KANSL1: variants seen among roughly 807,000 people sequenced by gnomAD.
KANSL1 encodes KAT8 regulatory NSL complex subunit 1.
Under a neutral mutation model 103.6 loss-of-function variants are expected in KANSL1, and 22 were observed. The ratio of observed to expected loss-of-function variants is 0.21; its 90% CI spans 0.15 to 0.30. The LOEUF (loss-of-function observed/expected upper bound fraction) is 0.30, where lower values mean the gene tolerates loss of function less well. Ranked by LOEUF, KANSL1 falls within the 10% of genes least tolerant of loss-of-function variation. The pLI, the probability that KANSL1 is intolerant of heterozygous loss-of-function variation, is 1.00. For missense variants in KANSL1, 1,337 were observed against 1,399.8 expected (o/e 0.96, Z 0.72); for synonymous variants, 600 against 527.6 (o/e 1.14, Z -1.88).
intron 2 of KANSL1, among the ~76,000 whole-genome samples, chr17:46,103,495 AT>A (rs553011398): frequency 6.6e-6 from 1 of 152,246 alleles, no homozygotes; most frequent in Non-Finnish European, 1.5e-5. Context: ...TTAATGTTAA[AT>A]ATCCAGTTAC....
At chr17:46,180,227 G>A (rs1198596929) in intron 1 of KANSL1, among the ~76,000 whole-genome samples, 1 of 152,086 alleles carries the variant, frequency 6.6e-6, no homozygotes, top group Non-Finnish European at 1.5e-5. Flanking sequence ...CAGGCACAGT[G>A]GCTCACGCCT....
At chr17:46,151,225 T>C (rs908609131) in intron 2 of KANSL1, among the ~76,000 whole-genome samples, 8 of 152,250 alleles carry the variant, frequency 5.3e-5, no homozygotes, top group African/African-American at 1.7e-4. Flanking sequence ...GATCTCACCT[T>C]CTACCACTCA....
At chr17:46,120,511 G>C (rs2043232185) in intron 2 of KANSL1, among the ~76,000 whole-genome samples, 1 of 152,132 alleles carries the variant, frequency 6.6e-6, no homozygotes, top group Non-Finnish European at 1.5e-5. Flanking sequence ...GAAACAAGTG[G>C]GAGCGAGGGG....
At chr17:46,154,876 G>A (rs2147534285) in intron 2 of KANSL1, among the ~76,000 whole-genome samples, 1 of 152,142 alleles carries the variant, frequency 6.6e-6, no homozygotes, top group East Asian at 1.9e-4. Context: ...ATGGAGATGG[G>A]GTCTTGCTAT....
In KANSL1 at chr17:46,031,443, G is replaced by A; in HGVS notation, c.*33C>T. ...GATTTCTGAAGCTTTAATGCCAATA[G>A]TTAGTGAGTCTGTTTAGATGGCTGT... On this transcript the variant is annotated 3_prime_UTR_variant, in exon 15 of 15. Transcript: ENST00000432791. 6.5e-7 allele frequency: 1 copy of A among 1,540,036 alleles called. No individual in the cohort carries two copies.
chr17:46,160,044 T>C (rs911202860), intron 2 of KANSL1, among the ~76,000 whole-genome samples: 6 of 152,154 alleles, frequency 3.9e-5, no homozygotes, highest in Non-Finnish European at 7.3e-5. Context: ...GTTCCAGGAG[T>C]TATCTTCTAT....
At chr17:46,082,581 G>A (rs1475275028) in intron 3 of KANSL1, 39 bp from the exon 4 acceptor site, 2 of 1,184,758 alleles carry the variant, frequency 1.7e-6, no homozygotes. Context: ...TAAGTGAGCA[G>A]TATAAACTTC....
chr17:46,096,325 T>C (rs1243599567), intron 2 of KANSL1, among the ~76,000 whole-genome samples: 1 of 140,474 alleles, frequency 7.1e-6, no homozygotes, highest in Non-Finnish European at 1.5e-5. Flanking sequence ...TTTTTTTTTT[T>C]TTTTTTTGAG....
chr17:46,097,280 A>G (rs1455117238), intron 2 of KANSL1, among the ~76,000 whole-genome samples: 1 of 152,258 alleles, frequency 6.6e-6, no homozygotes, highest in Non-Finnish European at 1.5e-5. Flanking sequence ...ACTAAACAAG[A>G]TTAAGTACAC....
At chr17:46,194,846 CAA>C (rs898837939), upstream of KANSL1, among the ~76,000 whole-genome samples, 3 of 152,222 alleles carry the variant, frequency 2.0e-5, no homozygotes, top group Admixed American at 6.5e-5. Context: ...AGTCTTCCCA[CAA>C]AGTTACACTA....
At chr17:46,127,350 C>T (rs1040719849) in intron 2 of KANSL1, among the ~76,000 whole-genome samples, 1 of 152,336 alleles carries the variant, frequency 6.6e-6, no homozygotes. Context: ...GGAAAACCTA[C>T]ATTCATCATC....
intron 2 of KANSL1, among the ~76,000 whole-genome samples, chr17:46,117,936 A>G (rs1454730999): frequency 2.0e-5 from 3 of 152,256 alleles, no homozygotes; most frequent in African/African-American, 7.2e-5. Context: ...TAAATTGGAA[A>G]TTCTTTAAAA....
chr17:46,063,341 G>A (rs1392320216), intron 6 of KANSL1, among the ~76,000 whole-genome samples: 1 of 152,152 alleles, frequency 6.6e-6, no homozygotes, highest in Non-Finnish European at 1.5e-5. Context: ...ATAATACGGT[G>A]GGCATTCAAA....
At chr17:46,217,631 G>A (rs1460066298) in intron 1 of KANSL1, among the ~76,000 whole-genome samples, 9 of 152,168 alleles carry the variant, frequency 5.9e-5, no homozygotes, top group Admixed American at 5.2e-4. Flanking sequence ...GCTCACGCCT[G>A]TAATCCCAGC....
At position 46,171,639 on chromosome 17, in the gene KANSL1, C is replaced by T; in HGVS notation, c.505G>A (p.Asp169Asn). The T allele has an allele frequency of 6.4e-7, 1 of 1,562,864 alleles. No homozygotes were observed. Among genetic ancestry groups the T allele is most frequent in the Non-Finnish European group, 8.6e-7 (1 of 1,158,992 alleles). The change falls in exon 2 of 15, where the codon GAT becomes AAT. Residue 169 changes from aspartate to asparagine, a missense_variant. Asp to Asn is a conservative substitution (Grantham distance 23). This residue lies in a region of KANSL1 where 557 missense variants were observed against 476.4 expected (regional missense o/e 1.17). Transcript: ENST00000432791. ...TTGAGGGAAGTGGAATTGTCATGAT[C>T]AGAATGTGTTGAACTTTTAGTCAAT... ...KKLTKSSTHS[D>N]HDNSTSLNGG...
upstream of KANSL1, among the ~76,000 whole-genome samples, chr17:46,196,953 A>G (rs932488857): frequency 2.6e-5 from 4 of 152,076 alleles, no homozygotes; most frequent in African/African-American, 9.7e-5. Flanking sequence ...CAAAAAATAA[A>G]TAATAAAAAA....
At position 46,172,189 on chromosome 17, in the gene KANSL1, C is replaced by G; in HGVS notation, c.-46G>C. On this transcript the variant is annotated 5_prime_UTR_variant, in exon 2 of 15. Transcript: ENST00000432791. ...GTCCAGCCTCTCCCGATGCCGAGGC[C>G]GAGGCCAGCTCCACGGCCCCTTACT... 5.1e-6 allele frequency: 8 copies of G among 1,561,504 alleles called. No homozygotes were observed. The highest frequency in any genetic ancestry group is 6.9e-6 in the Non-Finnish European group (8 of 1,155,990).
chr17:46,108,850 C>T (rs1404853330), intron 2 of KANSL1, among the ~76,000 whole-genome samples: 4 of 152,176 alleles, frequency 2.6e-5, no homozygotes, highest in African/African-American at 7.2e-5. Context: ...ATGCTGAAAG[C>T]GAGTCAAGCA....
chr17:46,215,099 T>C (rs1322422150), intron 1 of KANSL1: 6 of 152,234 alleles, frequency 3.9e-5, no homozygotes, highest in Non-Finnish European at 5.9e-5. Flanking sequence ...GCAGTGGGAG[T>C]GGAGAAGGAA....
Sources: allele counts gnomAD v4.1 joint callset (sites outside exome capture counted in the v4.1 genomes callset), GRCh38; gene constraint gnomAD v4.1.1; regional missense constraint gnomAD v4.1.1; transcripts MANE v1.5; gene names NCBI Gene and HGNC (gene_info 2026-07-23, HGNC 2026-07-21).